The following DPP10 variants were observed in gnomAD, a reference collection of about 807,000 sequenced individuals.
DPP10 encodes inactive dipeptidyl peptidase 10.
Under a neutral mutation model 120.9 loss-of-function variants are expected in DPP10, and 33 were observed. The ratio of observed to expected loss-of-function variants is 0.27; its 90% CI spans 0.21 to 0.37. The LOEUF (loss-of-function observed/expected upper bound fraction) is 0.37, where lower values mean the gene tolerates loss of function less well. Among genes scored for constraint, DPP10 ranks in the 10% least tolerant of loss-of-function variants. The pLI is 1.00. For missense variants in DPP10, 816 were observed against 942.8 expected (o/e 0.87, Z 1.76); for synonymous variants, 337 against 326.1 (o/e 1.03, Z -0.36).
In DPP10 at chr2:114,640,311, A is replaced by G. The variant is rs190192497; in HGVS notation, c.60+197473A>G. ...AGCTGGTCAGAGAAGGTCATACCCTATTTGGCTTTTGCTGTTGTAATCTTA... is the reference window on the plus strand; with the variant it reads ...AGCTGGTCAGAGAAGGTCATACCCTGTTTGGCTTTTGCTGTTGTAATCTTA... On this transcript the variant is annotated intron_variant, in intron 1 of 25. Coordinates refer to ENST00000410059, the MANE Select transcript of DPP10 (RefSeq NM_020868.6). Among the ~76,000 whole-genome samples, 9 of 151,968 alleles carry G rather than the reference A, an allele frequency of 5.9e-5. No homozygotes were observed. The East Asian group carries it at 1.7e-3, about 29-fold the overall frequency.
chr2:115,798,245 G>T (rs548311694), intron 19 of DPP10, among the ~76,000 whole-genome samples: 1 of 151,876 alleles, frequency 6.6e-6, no homozygotes, highest in African/African-American at 2.4e-5. Flanking sequence ...TAATGTAAGG[G>T]TAATTCATAT....
chr2:115,612,630 G>A (rs759862881), intron 5 of DPP10, among the ~76,000 whole-genome samples: 1 of 152,096 alleles, frequency 6.6e-6, no homozygotes, highest in Non-Finnish European at 1.5e-5. Context: ...CAGACATACT[G>A]GGTATTTGGA....
At chr2:115,734,327 G>A (rs561855250) in intron 8 of DPP10, among the ~76,000 whole-genome samples, 18 of 152,140 alleles carry the variant, frequency 1.2e-4, no homozygotes, top group African/African-American at 4.1e-4. Flanking sequence ...TTTAGCCAAC[G>A]GGGTATCTTT....
At chr2:115,677,022 T>G (rs2149460361) in intron 5 of DPP10, among the ~76,000 whole-genome samples, 1 of 152,278 alleles carries the variant, frequency 6.6e-6, no homozygotes, top group Non-Finnish European at 1.5e-5. Context: ...AATAATATGA[T>G]AATATAGTCA....
chr2:114,442,902 G>T, intron 1 of DPP10, 64 bp downstream of exon 1: 1 of 1,590,160 alleles, frequency 6.3e-7, no homozygotes, highest in South Asian at 1.1e-5. Flanking sequence ...TAACACATGG[G>T]CATTGATATA....
chr2:115,387,116 G>T (rs1428806405), intron 3 of DPP10, among the ~76,000 whole-genome samples: 1 of 152,128 alleles, frequency 6.6e-6, no homozygotes, highest in Non-Finnish European at 1.5e-5. Context: ...TGGTGCTTAT[G>T]AACATTTTCC....
intron 1 of DPP10, among the ~76,000 whole-genome samples, chr2:114,805,630 C>CTTTGT (rs908307089): frequency 3.3e-5 from 5 of 152,274 alleles, no homozygotes; most frequent in African/African-American, 7.2e-5. Flanking sequence ...ACCAAAAAAA[C>CTTTGT]TTTGTTTTGT....
intron 13 of DPP10, 76 bp downstream of exon 13, chr2:115,768,480 A>T: frequency 7.6e-7 from 1 of 1,322,150 alleles, no homozygotes; most frequent in Non-Finnish European, 1.1e-6. Context: ...GTGGCATTCT[A>T]AACCTCTAGT....
chr2:114,732,245 CA>C (rs1676991576), intron 1 of DPP10, among the ~76,000 whole-genome samples: 1 of 152,128 alleles, frequency 6.6e-6, no homozygotes, highest in South Asian at 2.1e-4. Flanking sequence ...GTTTACATTG[CA>C]GTTAAGAAAA....
chr2:115,577,977 T>C (rs1367676345), intron 5 of DPP10, among the ~76,000 whole-genome samples: 1 of 152,188 alleles, frequency 6.6e-6, no homozygotes, highest in East Asian at 1.9e-4. Flanking sequence ...ATTACAATTA[T>C]TAATTCCAGT....
intron 1 of DPP10, among the ~76,000 whole-genome samples, chr2:114,712,932 A>C (rs1172258707): frequency 6.6e-6 from 1 of 152,020 alleles, no homozygotes; most frequent in African/African-American, 2.4e-5. Flanking sequence ...AATAACACTT[A>C]AGCAGATACC....
intron 5 of DPP10, among the ~76,000 whole-genome samples, chr2:115,608,190 G>T (rs1215465257): frequency 6.6e-6 from 1 of 151,898 alleles, no homozygotes; most frequent in Admixed American, 6.6e-5. Flanking sequence ...GAGTTTAAGA[G>T]CAGTCTGGCC....
chr2:115,676,847 C>T (rs908732419), intron 5 of DPP10, among the ~76,000 whole-genome samples: 7 of 152,024 alleles, frequency 4.6e-5, no homozygotes, highest in African/African-American at 1.7e-4. Flanking sequence ...CAAATATTTC[C>T]ATGTAGATTT....
At chr2:115,181,773 G>A (rs773532808) in intron 1 of DPP10, among the ~76,000 whole-genome samples, 22 of 152,082 alleles carry the variant, frequency 1.4e-4, no homozygotes, top group Non-Finnish European at 2.5e-4. Flanking sequence ...CAGTCATCTC[G>A]GATCCACCAC....
intron 5 of DPP10, among the ~76,000 whole-genome samples, chr2:115,581,780 G>A (rs548112853): frequency 6.6e-6 from 1 of 152,154 alleles, no homozygotes; most frequent in East Asian, 1.9e-4. Flanking sequence ...GACTTCCTGA[G>A]TGACCAAGCA....
intron 4 of DPP10, among the ~76,000 whole-genome samples, chr2:115,504,867 T>A (rs1037204): frequency 0.21 from 32,252 of 152,046 alleles, 3,927 homozygotes; most frequent in East Asian, 0.39. Context: ...GGAAGTCTAC[T>A]CAGGCACTAT....
At chr2:114,778,621 G>A (rs751792492) in intron 1 of DPP10, among the ~76,000 whole-genome samples, 2 of 151,854 alleles carry the variant, frequency 1.3e-5, no homozygotes, top group Non-Finnish European at 2.9e-5. Flanking sequence ...TAATCTGACC[G>A]GCAGATAAAA....
At chr2:115,837,941 G>C (rs1403567407) in intron 24 of DPP10, among the ~76,000 whole-genome samples, 3 of 151,812 alleles carry the variant, frequency 2.0e-5, no homozygotes, top group Non-Finnish European at 4.4e-5. Context: ...CCCTGGAACA[G>C]AAAGGGTACA....
chr2:115,568,969 G>T (rs981623687), intron 5 of DPP10, among the ~76,000 whole-genome samples: 2 of 152,088 alleles, frequency 1.3e-5, no homozygotes, highest in African/African-American at 4.8e-5. Context: ...TTCTTATATG[G>T]ATATGTGATA....
Sources: allele counts gnomAD v4.1 joint callset (sites outside exome capture counted in the v4.1 genomes callset), GRCh38; gene constraint gnomAD v4.1.1; transcripts MANE v1.5; gene names NCBI Gene and HGNC (gene_info 2026-07-23, HGNC 2026-07-21).